F5: variants seen among roughly 807,000 people sequenced by gnomAD.
F5 encodes coagulation factor V.
F5 carries 138 observed loss-of-function variants against 216.4 expected under a neutral mutation model. The ratio of observed to expected loss-of-function variants is 0.64; its 90% confidence interval spans 0.56 to 0.73. F5 has a LOEUF of 0.73. Ranked by LOEUF, F5 falls within the 30% of genes least tolerant of loss-of-function variation. The probability of loss-of-function intolerance (pLI) is 0.00; values close to 1 mark genes in which losing one functional copy is unlikely to be tolerated. For missense variants in F5, 2,403 were observed against 2,674.0 expected, an observed-to-expected ratio of 0.90 and a Z score of 2.24; for synonymous variants, 916 against 930.7, an observed-to-expected ratio of 0.98 and a Z score of 0.29.
intron 3 of F5, 76 bp from the exon 4 acceptor site, chr1:169,560,842 TAG>T (rs1660465577): frequency 4.5e-6 from 6 of 1,333,448 alleles, no homozygotes. Context: ...AATCTGGGGA[TAG>T]CTAAGATGAG....
chr1:169,542,463 G>A lies in F5; in HGVS notation c.2627C>T (p.Ala876Val), dbSNP rs765295717. 1.9e-6 allele frequency: 3 copies of A among 1,614,088 alleles called. No homozygotes were observed. Among genetic ancestry groups the A allele is most frequent in the South Asian group, 2.2e-5 (2 of 91,072 alleles). The change falls in exon 13 of 25, where the codon GCA becomes GTA. Residue 876 changes from alanine (A) to valine (V), a missense_variant. Physicochemically the swap from Ala to Val is moderately conservative, Grantham distance 64. This residue lies in a region of F5 where 1,425 missense variants were observed against 1,554.8 expected (regional missense o/e 0.92). Transcript: ENST00000367797. ...KGPKVERDQA[A>V]KHRFSWMKLL... The stretch of plus-strand genomic sequence containing the variant: ...TTTCATCCAGGAGAACCTGTGCTTT[G>A]CTGCTTGATCTCTTTCTACCTTGGG...
In F5 at chr1:169,520,274, A is replaced by G. The variant is rs2213866; in HGVS notation, c.6193+246T>C. ...TCCAAATTAGAGCCCTTCCTTGGAG[A>G]GTTGTGATGTGTCTATATAATCCAG... On this transcript the variant is annotated intron_variant, in intron 22 of 24. Coordinates refer to ENST00000367797, the MANE Select transcript of F5 (RefSeq NM_000130.5). 0.24 allele frequency among the ~76,000 whole-genome samples: 37,217 copies of G among 151,982 alleles called. 4,753 individuals carry two copies. Among genetic ancestry groups the G allele is most frequent in the Admixed American group, 0.34 (5,240 of 15,266 alleles).
In F5 at chr1:169,540,406, T is replaced by C. The variant is rs1303839781; in HGVS notation, c.4684A>G (p.Arg1562Gly). The C allele has an allele frequency of 1.2e-6, 2 of 1,614,042 alleles. No homozygotes were observed. The highest frequency in any genetic ancestry group is 4.5e-5 in the East Asian group (2 of 44,884). The change falls in exon 13 of 25, where the codon AGA becomes GGA. Residue 1562 changes from arginine (R) to glycine (G), a missense_variant. Arg to Gly is a moderately radical substitution (Grantham distance 125). Coordinates refer to ENST00000367797, the MANE Select transcript of F5 (RefSeq NM_000130.5). ...TDVRTNINSS[R>G]DPDNIAAWYL... Reference sequence around the variant, plus strand: ...CATGCTGCAATGTTGTCAGGATCTCTGGAGGAGTTGATGTTTGTCCTAACA... The same window carrying C: ...CATGCTGCAATGTTGTCAGGATCTCCGGAGGAGTTGATGTTTGTCCTAACA...
At position 169,586,470 on chromosome 1, in the gene F5, C is replaced by T. The variant is rs543172813; in HGVS notation, c.-84G>A. 1,626 of 1,540,202 alleles carry T rather than the reference C, an allele frequency of 1.1e-3. 2 individuals are homozygous for T. Among genetic ancestry groups the T allele is most frequent in the Non-Finnish European group, 1.3e-3 (1,545 of 1,145,108 alleles). On this transcript the variant is annotated 5_prime_UTR_variant, in exon 1 of 25. Coordinates refer to ENST00000367797, the MANE Select transcript of F5 (RefSeq NM_000130.5). ...AGCTGCTAACCACACTCCGGGCTGT[C>T]CCAGCTGCAATGAGCTCTAGAGGCT...
chr1:169,558,467 A>G (rs113865502), intron 5 of F5, among the ~76,000 whole-genome samples: 3 of 152,192 alleles, frequency 2.0e-5, no homozygotes, highest in African/African-American at 7.2e-5. Flanking sequence ...ACCTCTAAGA[A>G]GTTTAGTGTT....
In F5 at chr1:169,513,303, C is replaced by A. The variant is rs979372471; in HGVS notation, c.*1010G>T. 1.3e-5 allele frequency among the ~76,000 whole-genome samples: 2 copies of A among 151,910 alleles called. No homozygotes were observed. Among genetic ancestry groups the A allele is most frequent in the Admixed American group, 1.3e-4 (2 of 15,226 alleles). On this transcript the variant is annotated 3_prime_UTR_variant, in exon 25 of 25. Transcript: ENST00000367797. The stretch of plus-strand genomic sequence containing the variant: ...GTTTTGGGGTGGTTTATTTCAGACA[C>A]CCCAAATGACTGTCTATCTCATGTG...
chr1:169,560,748 T>G lies in F5; in HGVS notation c.392A>C (p.His131Pro). 1 of 1,612,206 alleles carries G rather than the reference T, an allele frequency of 6.2e-7. No individual in the cohort carries two copies. The change falls in exon 4 of 25, where the codon CAC becomes CCC. Residue 131 changes from histidine (H) to proline (P), a missense_variant. By Grantham distance (77) the His-to-Pro change is moderately conservative. Coordinates refer to ENST00000367797, the MANE Select transcript of F5 (RefSeq NM_000130.5). Reference protein sequence around the residue: ...KLSEGASYLDHTFPAEKMDDA... With the variant: ...KLSEGASYLDPTFPAEKMDDA... ...GTCCATCTTCTCCGCAGGGAATGTGTGGTCAAGGTAAGAAGCACCTGGAGG... is the reference window on the plus strand; with the variant it reads ...GTCCATCTTCTCCGCAGGGAATGTGGGGTCAAGGTAAGAAGCACCTGGAGG...
Position 169,560,648 on chromosome 1 carries a change from G to A in F5, c.492C>T (p.Asp164=), listed in dbSNP as rs1227415968. Residue 164 remains aspartate (D), a synonymous_variant, in exon 4 of 25, where the codon GAC becomes GAT. Transcript: ENST00000367797. ...AATAGATGTGTGTGAGGCATGGAGG[G>A]TCATCATGGGTGGGTCCACTGTCCT... is the stretch of plus-strand genomic sequence containing the variant. ...ISEDSGPTHD[D]PPCLTHIYYS... is the part of the protein sequence containing the mutation. 11 of 1,613,660 alleles carry A rather than the reference G, an allele frequency of 6.8e-6. 1 individual carries two copies. The South Asian group carries it at 1.2e-4, about 18-fold the overall frequency.
chr1:169,543,240 G>T, intron 12 of F5, 126 bp from the exon 13 acceptor site: 1 of 811,460 alleles, frequency 1.2e-6, no homozygotes, highest in Non-Finnish European at 2.1e-6. Context: ...ATGGGCTGTG[G>T]ACCACTGCTT....
Position 169,536,597 on chromosome 1 carries a change from G to C in F5, c.4880C>G (p.Thr1627Ser). 1 of 1,613,584 alleles carries C rather than the reference G, an allele frequency of 6.2e-7. No individual in the cohort carries two copies. The highest frequency in any genetic ancestry group is 1.3e-5 in the African/African-American group (1 of 75,012). Residue 1627 changes from threonine to serine, a missense_variant, in exon 14 of 25, where the codon ACT becomes AGT. Coordinates refer to ENST00000367797, the MANE Select transcript of F5 (RefSeq NM_000130.5). ...CCCTCGAGGATCACGTTTGGTAAAA[G>C]TGCTGTCGAGGTACTTTCGAAAAAC... ...KVVFRKYLDS[T>S]FTKRDPRGEY...
Position 169,541,393 on chromosome 1 carries a change from G to C in F5, c.3697C>G (p.Pro1233Ala). 4 of 1,612,930 alleles carry C rather than the reference G, an allele frequency of 2.5e-6. No homozygotes were observed. Among genetic ancestry groups the C allele is most frequent in the Non-Finnish European group, 3.4e-6 (4 of 1,179,516 alleles). Residue 1233 changes from proline to alanine, a missense_variant, in exon 13 of 25, where the codon CCA (proline) becomes GCA (alanine). Transcript: ENST00000367797. ...GAAAGGGTTGTATGGCTGAGGTCTG[G>C]AGAAATGGGCATCTGACCGAGGGCT... The part of the protein sequence containing the change: ...SPALGQMPIS[P>A]DLSHTTLSPD...
chr1:169,552,561 A>G lies in F5; in HGVS notation c.1292T>C (p.Leu431Pro), dbSNP rs759077734. Residue 431 changes from leucine (L) to proline (P), a missense_variant, in exon 8 of 25, where the codon CTC (leucine) becomes CCC (proline). Transcript: ENST00000367797. ...PIIRAQVRDT[L>P]KIVFKNMASR... ...TTCTGTATTTGTGTTACTTACTTTG[A>G]GTGTGTCTCTGACCTGGGCTCTGAT... is the stretch of plus-strand genomic sequence containing the variant. The G allele has an allele frequency of 1.2e-6, 2 of 1,612,566 alleles. No homozygotes were observed. Among genetic ancestry groups the G allele is most frequent in the Non-Finnish European group, 1.7e-6 (2 of 1,178,826 alleles).
chr1:169,559,795 G>T (rs1305924474), intron 4 of F5, among the ~76,000 whole-genome samples: 1 of 152,086 alleles, frequency 6.6e-6, no homozygotes, highest in African/African-American at 2.4e-5. Context: ...AAGTTTTAAG[G>T]TTTTTTTCAG....
At chr1:169,514,944 A>G (rs1235958912) in intron 24 of F5, among the ~76,000 whole-genome samples, 1 of 152,136 alleles carries the variant, frequency 6.6e-6, no homozygotes, top group East Asian at 1.9e-4. Context: ...TCATTGGCAA[A>G]ATAAGGATAA....
At chr1:169,530,694 AT>A in intron 15 of F5, 91 bp downstream of exon 15, 1 of 1,167,026 alleles carries the variant, frequency 8.6e-7, no homozygotes, top group Non-Finnish European at 1.3e-6. Flanking sequence ...CAAGACAGAC[AT>A]TTGACAAGAA....
intron 7 of F5, among the ~76,000 whole-genome samples, chr1:169,554,536 G>A (rs982569711): frequency 2.0e-5 from 3 of 152,204 alleles, no homozygotes; most frequent in African/African-American, 7.2e-5. Flanking sequence ...CATTTCACCT[G>A]TGAACAAGTG....
chr1:169,560,001 A>G (rs1660431968), intron 4 of F5, among the ~76,000 whole-genome samples: 1 of 152,160 alleles, frequency 6.6e-6, no homozygotes, highest in African/African-American at 2.4e-5. Context: ...TTCTCATGGG[A>G]TAAAATGAAA....
chr1:169,586,111 T>C (rs2101849233), intron 1 of F5, 118 bp downstream of exon 1: 3 of 1,145,836 alleles, frequency 2.6e-6, no homozygotes, highest in African/African-American at 1.6e-5. Flanking sequence ...CTATTAGTTA[T>C]ATTTACTTAC....
At chr1:169,572,851 T>TGAG (rs1412226145) in intron 2 of F5, among the ~76,000 whole-genome samples, 1 of 151,932 alleles carries the variant, frequency 6.6e-6, no homozygotes, top group Admixed American at 6.6e-5. Flanking sequence ...AAAGAAGAGA[T>TGAG]GAGGTGGATG....
Sources: gnomAD v4.1 joint callset for allele counts (sites outside exome capture counted in the v4.1 genomes callset) on GRCh38, gnomAD v4.1.1 for gene constraint, gnomAD v4.1.1 regional missense constraint, MANE v1.5 for transcripts, NCBI Gene and HGNC (gene_info 2026-07-23, HGNC 2026-07-21) for gene names.